The following KCNH8 variants were observed in gnomAD, a reference collection of about 807,000 sequenced individuals.
KCNH8 encodes the protein voltage-gated delayed rectifier potassium channel KCNH8.
Under a neutral mutation model 103.6 loss-of-function variants are expected in KCNH8, and 70 were observed. That is an observed-to-expected ratio of 0.68 (90% CI 0.56 to 0.82). The LOEUF is 0.82. KCNH8 is among the 40% of genes least tolerant of loss of function. The pLI is 0.00. For missense variants in KCNH8, 1,217 were observed against 1,329.9 expected (o/e 0.92, Z 1.32); for synonymous variants, 498 against 489.4 (o/e 1.02, Z -0.23).
chr3:19,448,086 A>G (rs1212438956), intron 8 of KCNH8, among the ~76,000 whole-genome samples: 2 of 152,098 alleles, frequency 1.3e-5, no homozygotes, highest in East Asian at 1.9e-4. Flanking sequence ...AATTCATAAC[A>G]TGTTTCACTT....
intron 7 of KCNH8, among the ~76,000 whole-genome samples, chr3:19,429,993 C>T (rs1430486709): frequency 6.6e-6 from 1 of 152,120 alleles, no homozygotes; most frequent in Non-Finnish European, 1.5e-5. Flanking sequence ...GATTCCATGT[C>T]TTTGCTCTTG....
At position 19,287,869 on chromosome 3, in the gene KCNH8, C is replaced by A. The variant is rs2064855412; in HGVS notation, c.442+6540C>A. On this transcript the variant is annotated intron_variant, in intron 3 of 15. Transcript: ENST00000328405. Reference sequence around the variant, plus strand: ...GAAGTGTTAGGATTACAGGCGTAAGCCACCATGCCCAGCCCCACATTCGAC... The same window carrying A: ...GAAGTGTTAGGATTACAGGCGTAAGACACCATGCCCAGCCCCACATTCGAC... Among the ~76,000 whole-genome samples, 11 of 152,308 alleles carry A rather than the reference C, an allele frequency of 7.2e-5. 1 individual carries two copies. The South Asian group carries it at 2.3e-3, about 32-fold the overall frequency.
rs547195513 is a variant in KCNH8 at position 19,361,297 on chromosome 3, G to A, written c.811+13332G>A. 3.9e-5 allele frequency among the ~76,000 whole-genome samples: 6 copies of A among 152,098 alleles called. No individual in the cohort carries two copies. In the South Asian group the frequency reaches 1.2e-3, roughly 32 times the overall value. On this transcript the variant is annotated intron_variant, in intron 5 of 15. Transcript: ENST00000328405. ...TTTCTTCATTATTTAAAATAAAGGA[G>A]ATCCCACATTTTTCTGCCCAAACAG...
At chr3:19,178,613 T>G (rs541678627) in intron 1 of KCNH8, among the ~76,000 whole-genome samples, 131 of 152,256 alleles carry the variant, frequency 8.6e-4, no homozygotes, top group African/African-American at 2.9e-3. Flanking sequence ...AGATTTGAAT[T>G]CTGAGTAGAA....
chr3:19,267,312 G>A (rs1336888872), intron 2 of KCNH8, among the ~76,000 whole-genome samples: 1 of 152,010 alleles, frequency 6.6e-6, no homozygotes, highest in Non-Finnish European at 1.5e-5. Context: ...GAGACAATGG[G>A]ACCACTCTGA....
intron 7 of KCNH8, among the ~76,000 whole-genome samples, chr3:19,429,878 G>T (rs2067094226): frequency 6.6e-6 from 1 of 152,050 alleles, no homozygotes; most frequent in Non-Finnish European, 1.5e-5. Context: ...CTCCATCCGT[G>T]TTCCCACAAG....
chr3:19,179,561 G>C (rs1399134515), intron 1 of KCNH8, among the ~76,000 whole-genome samples: 1 of 152,132 alleles, frequency 6.6e-6, no homozygotes, highest in Non-Finnish European at 1.5e-5. Context: ...TTGTGAGAAA[G>C]AGTTAAAATA....
At chr3:19,532,691 G>A (rs1349508657) in intron 15 of KCNH8, among the ~76,000 whole-genome samples, 5 of 152,208 alleles carry the variant, frequency 3.3e-5, no homozygotes, top group Non-Finnish European at 1.5e-5. Flanking sequence ...TCATCCAGGG[G>A]AAGCGAAATA....
chr3:19,173,613 G>C lies in KCNH8; in HGVS notation c.76+24818G>C, dbSNP rs1396919340. Among the ~76,000 whole-genome samples, 3 of 152,104 alleles carry C rather than the reference G, an allele frequency of 2.0e-5. No individual in the cohort carries two copies. In the East Asian group the frequency reaches 5.8e-4, roughly 29 times the overall value. On this transcript the variant is annotated intron_variant, in intron 1 of 15. Coordinates refer to ENST00000328405, the MANE Select transcript of KCNH8 (RefSeq NM_144633.3). ...GATTTAGAGAAGTCAGTGCAGGAGA[G>C]AAAGGCATAAACCTACACACACACC...
intron 7 of KCNH8, among the ~76,000 whole-genome samples, chr3:19,397,701 A>G (rs1481075474): frequency 6.6e-6 from 1 of 151,846 alleles, no homozygotes; most frequent in Non-Finnish European, 1.5e-5. Context: ...CCGAAAATTT[A>G]TCTTTAGAGA....
At chr3:19,262,291 G>A (rs576353158) in intron 2 of KCNH8, among the ~76,000 whole-genome samples, 19 of 151,880 alleles carry the variant, frequency 1.3e-4, no homozygotes, top group East Asian at 7.8e-4. Context: ...CATCAGTGTC[G>A]TATAGCTTTC....
intron 7 of KCNH8, among the ~76,000 whole-genome samples, chr3:19,428,344 T>G (rs548205451): frequency 6.6e-6 from 1 of 152,328 alleles, no homozygotes; most frequent in Non-Finnish European, 1.5e-5. Flanking sequence ...ATGACTTCGG[T>G]ACCTCATAAT....
At chr3:19,484,273 T>C (rs566746904) in intron 11 of KCNH8, among the ~76,000 whole-genome samples, 2 of 152,336 alleles carry the variant, frequency 1.3e-5, no homozygotes, top group South Asian at 4.1e-4. Flanking sequence ...TGTCATTATA[T>C]AAACATGCTC....
chr3:19,188,825 G>T (rs983928378), intron 1 of KCNH8, among the ~76,000 whole-genome samples: 1 of 151,914 alleles, frequency 6.6e-6, no homozygotes, highest in African/African-American at 2.4e-5. Flanking sequence ...GATTTTGTTT[G>T]TAGAGAGAGG....
chr3:19,169,282 G>A (rs2063315930), intron 1 of KCNH8, among the ~76,000 whole-genome samples: 1 of 135,284 alleles, frequency 7.4e-6, no homozygotes, highest in Non-Finnish European at 1.5e-5. Flanking sequence ...TTTTTGAGAC[G>A]GAGTCTCGCT....
At chr3:19,231,212 C>T (rs1468500932) in intron 1 of KCNH8, among the ~76,000 whole-genome samples, 3 of 151,944 alleles carry the variant, frequency 2.0e-5, no homozygotes, top group Non-Finnish European at 4.4e-5. Flanking sequence ...TGCATATACA[C>T]CTCTATACTT....
intron 1 of KCNH8, among the ~76,000 whole-genome samples, chr3:19,193,120 C>CATT (rs1384854791): frequency 1.3e-5 from 2 of 151,536 alleles, no homozygotes; most frequent in Non-Finnish European, 3.0e-5. Flanking sequence ...GAATTATTTT[C>CATT]ATTTCTTATT....
intron 5 of KCNH8, among the ~76,000 whole-genome samples, chr3:19,368,539 A>T (rs949196626): frequency 1.3e-5 from 2 of 152,024 alleles, no homozygotes; most frequent in African/African-American, 4.8e-5. Flanking sequence ...ATTCATAATT[A>T]TACCTAAGAC....
At chr3:19,185,672 T>A (rs1029942952) in intron 1 of KCNH8, among the ~76,000 whole-genome samples, 3 of 150,940 alleles carry the variant, frequency 2.0e-5, no homozygotes, top group Non-Finnish European at 4.4e-5. Flanking sequence ...CATTTATCAC[T>A]GTAATTGATA....
Sources: allele counts gnomAD v4.1 joint callset (sites outside exome capture counted in the v4.1 genomes callset), GRCh38; gene constraint gnomAD v4.1.1; transcripts MANE v1.5; gene names NCBI Gene and HGNC (gene_info 2026-07-23, HGNC 2026-07-21).